The following ATXN7L1 variants were observed in gnomAD, a reference collection of about 807,000 sequenced individuals.
ATXN7L1 encodes the protein ataxin-7-like protein 1.
Under a neutral mutation model 70.8 loss-of-function variants are expected in ATXN7L1, and 15 were observed. The ratio of observed to expected loss-of-function variants is 0.21; its 90% CI spans 0.14 to 0.33. ATXN7L1 has a LOEUF of 0.33. Among genes scored for constraint, ATXN7L1 ranks in the 10% least tolerant of loss-of-function variants. ATXN7L1 has a pLI of 1.00. For synonymous variants in ATXN7L1, 440 were observed against 445.1 expected, an observed-to-expected ratio of 0.99 and a Z score of 0.14; for missense variants, 975 against 1,097.1, an observed-to-expected ratio of 0.89 and a Z score of 1.57.
In ATXN7L1 at chr7:105,810,658, G is replaced by A. The variant is rs148951393; in HGVS notation, c.251-21950C>T. Reference sequence around the variant, plus strand: ...GAGAAGGGGAGAGCCTAGGACGTATGAGGGAGAGCAAAGAAGCCAGCCTGT... The same window carrying A: ...GAGAAGGGGAGAGCCTAGGACGTATAAGGGAGAGCAAAGAAGCCAGCCTGT... On this transcript the variant is annotated intron_variant, in intron 2 of 11. Transcript: ENST00000419735. 4.1e-3 allele frequency among the ~76,000 whole-genome samples: 623 copies of A among 152,330 alleles called. 7 individuals carry two copies. The highest frequency in any genetic ancestry group is 0.014 in the African/African-American group (591 of 41,576).
intron 3 of ATXN7L1, among the ~76,000 whole-genome samples, chr7:105,721,838 C>T (rs186809055): frequency 1.2e-4 from 19 of 152,326 alleles, no homozygotes; most frequent in Non-Finnish European, 2.2e-4. Context: ...CCTCCTGTGG[C>T]TGCTTCTCTC....
chr7:105,642,828 T>C lies in ATXN7L1; in HGVS notation c.862+10A>G. The C allele has an allele frequency of 6.5e-7, 1 of 1,548,972 alleles. No individual in the cohort carries two copies. Among genetic ancestry groups the C allele is most frequent in the Non-Finnish European group, 8.7e-7 (1 of 1,145,210 alleles). On this transcript the variant is annotated intron_variant, in intron 5 of 11. Coordinates refer to ENST00000419735, the MANE Select transcript of ATXN7L1 (RefSeq NM_020725.2). ...ATCATGAGTCAGACCCTGACGACAC[T>C]GACACATACCTGAAAGTCTCCTGTA...
In ATXN7L1 at chr7:105,614,827, G is replaced by C. The variant is rs1793628155; in HGVS notation, c.1518-11C>G. 3.9e-6 allele frequency: 6 copies of C among 1,543,014 alleles called. No individual in the cohort carries two copies. Among genetic ancestry groups the C allele is most frequent in the Non-Finnish European group, 5.3e-6 (6 of 1,141,794 alleles). On this transcript the variant is annotated splice_polypyrimidine_tract_variant and intron_variant, in intron 9 of 11. Transcript: ENST00000419735. The surrounding 1 kb of genome is among the most constrained non-coding windows in gnomAD (Gnocchi z 4.3). ...GCAGGAGGGATCTTCCTAAACATGA[G>C]AGAAGAGTGAAAGAGAATCAGTGAG...
At chr7:105,778,625 G>A (rs1207157400) in intron 3 of ATXN7L1, among the ~76,000 whole-genome samples, 1 of 150,742 alleles carries the variant, frequency 6.6e-6, no homozygotes, top group Non-Finnish European at 1.5e-5. Flanking sequence ...GTGCTTATTT[G>A]CAACATTTCT....
rs943569295 is a variant in ATXN7L1 at position 105,648,115 on chromosome 7, C to T, written c.579-4994G>A. On this transcript the variant is annotated intron_variant, in intron 4 of 11. Coordinates refer to ENST00000419735, the MANE Select transcript of ATXN7L1 (RefSeq NM_020725.2). ...GGTGAGTTGGTAAGGGGCTGGGCCA[C>T]TGAGTGAACACCTCTGATGTGAGGT... is the stretch of plus-strand genomic sequence containing the variant. Among the ~76,000 whole-genome samples the T allele has an allele frequency of 2.6e-5, 4 of 152,174 alleles. No homozygotes were observed. The East Asian group carries it at 7.7e-4, about 29-fold the overall frequency.
At chr7:105,797,523 G>A (rs1227587961) in intron 2 of ATXN7L1, among the ~76,000 whole-genome samples, 1 of 152,222 alleles carries the variant, frequency 6.6e-6, no homozygotes, top group African/African-American at 2.4e-5. Context: ...TATTAGAGAT[G>A]GGCCTTAAAA....
intron 3 of ATXN7L1, among the ~76,000 whole-genome samples, chr7:105,680,712 G>A (rs1198570804): frequency 6.6e-6 from 1 of 152,208 alleles, no homozygotes. Context: ...CCAGGGGACT[G>A]TGGAGTAGAG....
chr7:105,668,918 TA>T (rs1397392287), intron 3 of ATXN7L1, among the ~76,000 whole-genome samples: 5 of 151,760 alleles, frequency 3.3e-5, no homozygotes, highest in Non-Finnish European at 7.4e-5. Flanking sequence ...CATATATATA[TA>T]TTTTTTTTTT....
At chr7:105,718,940 A>C (rs1794878106) in intron 3 of ATXN7L1, among the ~76,000 whole-genome samples, 2 of 152,244 alleles carry the variant, frequency 1.3e-5, no homozygotes, top group Admixed American at 6.5e-5. Context: ...CTCTAGGCAC[A>C]GGAAGACATC....
At chr7:105,611,328 C>T (rs767427518) in intron 10 of ATXN7L1, among the ~76,000 whole-genome samples, 1 of 152,338 alleles carries the variant, frequency 6.6e-6, no homozygotes, top group South Asian at 2.1e-4. Context: ...TAAACCGCTC[C>T]TCTTCTCCAT....
Position 105,642,997 on chromosome 7 carries a change from C to T in ATXN7L1, c.703G>A (p.Val235Ile), listed in dbSNP as rs375510569. ...VSASSTSSSA[V>I]STPPLIKPVL... ...GGCTTAATTAAAGGAGGGGTGGAGACGGCAGAGGACGAGGTGGAGGAGGCA... is the reference window on the plus strand; with the variant it reads ...GGCTTAATTAAAGGAGGGGTGGAGATGGCAGAGGACGAGGTGGAGGAGGCA... Residue 235 changes from valine (V) to isoleucine (I), a missense_variant, in exon 5 of 12, where the codon GTC (valine) becomes ATC (isoleucine). Physicochemically the swap from Val to Ile is conservative, Grantham distance 29 (BLOSUM62 3). Transcript: ENST00000419735. The T allele has an allele frequency of 8.1e-5, 126 of 1,551,710 alleles. No individual in the cohort carries two copies. The highest frequency in any genetic ancestry group is 1.7e-4 in the South Asian group (14 of 84,062).
rs71155469 is a variant in ATXN7L1, at chr7:105,671,104, C to CAAAAAAAAAAAAAAAAAAA, written c.356-5835_356-5817dup. Among the ~76,000 whole-genome samples, 3 of 89,706 alleles carry CAAAAAAAAAAAAAAAAAAA rather than the reference C, an allele frequency of 3.3e-5. 1 individual carries two copies. The highest frequency in any genetic ancestry group is 1.2e-4 in the African/African-American group (3 of 24,592). The allele number at this position is 89,706 out of a possible 152,430, so 58.9% of individuals were successfully genotyped here. A position where few individuals can be genotyped will look rare whatever the true frequency, so the allele number is the denominator to read the frequency against. The stretch of plus-strand genomic sequence containing the variant: ...CCTGGGCGACAGCGAGACTACGTCT[C>CAAAAAAAAAAAAAAAAAAA]AAAAAAAAAAAAAAAAAAAAAAAAA... On this transcript the variant is annotated intron_variant, in intron 3 of 11. Coordinates refer to ENST00000419735, the MANE Select transcript of ATXN7L1 (RefSeq NM_020725.2).
intron 5 of ATXN7L1, 35 bp from the exon 6 acceptor site, chr7:105,639,604 AAGG>A (rs1797879621): frequency 6.9e-7 from 1 of 1,451,058 alleles, no homozygotes; most frequent in Admixed American, 2.0e-5. Context: ...TATAAGAAAA[AAGG>A]AGACTAAATA....
At chr7:105,733,633 C>CCCAT (rs1253569733) in intron 3 of ATXN7L1, among the ~76,000 whole-genome samples, 2,397 of 38,060 alleles carry the variant, frequency 0.063, 328 homozygotes, top group Non-Finnish European at 0.093. Context: ...CATCCATCCA[C>CCCAT]CCATCCATCC....
intron 2 of ATXN7L1, among the ~76,000 whole-genome samples, chr7:105,860,747 A>G (rs1196852183): frequency 6.6e-6 from 1 of 152,236 alleles, no homozygotes; most frequent in Non-Finnish European, 1.5e-5. Flanking sequence ...ATTTTCTTAA[A>G]AAAAGAAAAA....
At chr7:105,690,515 C>T (rs1208352910) in intron 3 of ATXN7L1, among the ~76,000 whole-genome samples, 1 of 152,158 alleles carries the variant, frequency 6.6e-6, no homozygotes, top group Non-Finnish European at 1.5e-5. Flanking sequence ...TGGATCTAAG[C>T]AGACCCGCTC....
At chr7:105,749,917 C>T (rs973320818) in intron 3 of ATXN7L1, among the ~76,000 whole-genome samples, 1 of 151,878 alleles carries the variant, frequency 6.6e-6, no homozygotes, top group African/African-American at 2.4e-5. Flanking sequence ...GTATTCTGGG[C>T]ACTTACTGCC....
At chr7:105,755,586 C>T (rs1052074774) in intron 3 of ATXN7L1, among the ~76,000 whole-genome samples, 1 of 152,156 alleles carries the variant, frequency 6.6e-6, no homozygotes, top group South Asian at 2.1e-4. Flanking sequence ...CCTAGAAAAG[C>T]CCCATCCACT....
chr7:105,717,442 A>T (rs1200405794), intron 3 of ATXN7L1, among the ~76,000 whole-genome samples: 1 of 152,162 alleles, frequency 6.6e-6, no homozygotes, highest in African/African-American at 2.4e-5. Flanking sequence ...ATTTTTTAAA[A>T]GATTATTTTA....
Sources: gnomAD v4.1 joint callset for allele counts (sites outside exome capture counted in the v4.1 genomes callset) on GRCh38, gnomAD v4.1.1 for gene constraint, Gnocchi (gnomAD v3.1) non-coding constraint, MANE v1.5 for transcripts, NCBI Gene and HGNC (gene_info 2026-07-23, HGNC 2026-07-21) for gene names.